The following GRIA3 variants were observed in gnomAD, a reference collection of about 807,000 sequenced individuals.
The protein encoded by GRIA3 is glutamate ionotropic receptor AMPA type subunit 3, also known as glutamate receptor 3.
In GRIA3, 3 loss-of-function variants were observed where a neutral mutation model predicts 63.0. The observed-to-expected ratio is 0.05, with a 90% CI of 0.02 to 0.12. The LOEUF (loss-of-function observed/expected upper bound fraction) is 0.12. Ranked by LOEUF, GRIA3 falls within the 10% of genes least tolerant of loss-of-function variation. The probability of loss-of-function intolerance (pLI) is 1.00; values close to 1 mark genes in which losing one functional copy is unlikely to be tolerated. For missense variants in GRIA3, 347 were observed against 700.9 expected, an observed-to-expected ratio of 0.50 and a Z score of 5.70; for synonymous variants, 274 against 257.9, an observed-to-expected ratio of 1.06 and a Z score of -0.60.
intron 3 of GRIA3, among the ~76,000 whole-genome samples, chrX:123,264,888 C>T (rs368357247): frequency 1.8e-5 from 2 of 111,772 alleles, no homozygotes; most frequent in Non-Finnish European, 3.8e-5. Context: ...TGAAGAAAAG[C>T]ATCATCAACT....
At chrX:123,254,953 A>G (rs1210333965) in intron 3 of GRIA3, among the ~76,000 whole-genome samples, 1 of 111,602 alleles carries the variant, frequency 9.0e-6, no homozygotes, top group African/African-American at 3.3e-5. Flanking sequence ...CGTAACTTAT[A>G]TATTATCAGT....
intron 4 of GRIA3, among the ~76,000 whole-genome samples, chrX:123,353,412 T>C (rs990589368): frequency 8.9e-6 from 1 of 111,991 alleles, no homozygotes; most frequent in African/African-American, 3.2e-5. Context: ...AAATTCCTCA[T>C]CTGTAAAATG....
intron 2 of GRIA3, among the ~76,000 whole-genome samples, chrX:123,207,985 A>G (rs139648906): frequency 0.015 from 1,642 of 112,368 alleles, 44 homozygotes; most frequent in African/African-American, 0.05. Flanking sequence ...ACCAAACACT[A>G]TTGAAGATCA....
chrX:123,403,802 G>T (rs191007803), intron 9 of GRIA3, among the ~76,000 whole-genome samples: 6 of 111,410 alleles, frequency 5.4e-5, no homozygotes, highest in Non-Finnish European at 1.1e-4. Flanking sequence ...GCTTCATCTG[G>T]ACTTGAAACC....
chrX:123,449,879 C>T (rs1239096710), intron 12 of GRIA3, among the ~76,000 whole-genome samples: 1 of 111,580 alleles, frequency 9.0e-6, no homozygotes, highest in Non-Finnish European at 1.9e-5. Context: ...CTCACGTGCC[C>T]CTGACATATC....
At chrX:123,226,632 C>A (rs1454018039) in intron 2 of GRIA3, among the ~76,000 whole-genome samples, 1 of 111,364 alleles carries the variant, frequency 9.0e-6, no homozygotes, top group Admixed American at 9.6e-5. Flanking sequence ...GAGACCAGCA[C>A]TTTTTACTTC....
chrX:123,423,343 T>A (rs769897012), intron 11 of GRIA3, among the ~76,000 whole-genome samples: 2 of 112,090 alleles, frequency 1.8e-5, no homozygotes, highest in East Asian at 5.5e-4. Flanking sequence ...ATAAAAGACA[T>A]GAAGGGTATA....
chrX:123,349,141 CAT>C (rs1179863767), intron 4 of GRIA3, among the ~76,000 whole-genome samples: 2 of 112,121 alleles, frequency 1.8e-5, no homozygotes, highest in Non-Finnish European at 3.8e-5. Flanking sequence ...AAATAATAGT[CAT>C]GTGATATGCA....
chrX:123,196,830 A>T (rs1927588565), intron 2 of GRIA3, among the ~76,000 whole-genome samples: 1 of 112,032 alleles, frequency 8.9e-6, no homozygotes, highest in African/African-American at 3.2e-5. Context: ...TGATTGTTAC[A>T]ATCACTTCTT....
intron 10 of GRIA3, among the ~76,000 whole-genome samples, chrX:123,405,379 A>G (rs1358215829): frequency 8.9e-6 from 1 of 111,744 alleles, no homozygotes; most frequent in Admixed American, 9.5e-5. Context: ...CACCTTAATT[A>G]GGGTTCTTAA....
In GRIA3 at chrX:123,482,730, G is replaced by A. The variant is rs926179208; in HGVS notation, c.2440-69G>A. On this transcript the variant is annotated intron_variant, in intron 14 of 15. Transcript: ENST00000620443. ...CAATTTAGAACTCCCCTGTACTGTT[G>A]TAATATATTATAATGTTCCATTGCC... The A allele has an allele frequency of 6.3e-6, 7 of 1,108,782 alleles. No homozygotes were observed. In the African/African-American group the frequency reaches 9.0e-5, roughly 14 times the overall value. 91.4% of individuals were successfully genotyped at this position (1,108,782 alleles called of 1,213,427 possible).
chrX:123,441,512 T>C (rs2045674017), intron 12 of GRIA3, among the ~76,000 whole-genome samples: 1 of 111,367 alleles, frequency 9.0e-6, no homozygotes, highest in South Asian at 3.8e-4. Flanking sequence ...GAAGGTGAGG[T>C]TCATTAAAAA....
At chrX:123,291,594 T>C (rs1223607992) in intron 3 of GRIA3, among the ~76,000 whole-genome samples, 4 of 111,132 alleles carry the variant, frequency 3.6e-5, no homozygotes, top group African/African-American at 1.3e-4. Context: ...AGAAAAAAAG[T>C]ACAATTTTTA....
rs746043875 is a variant in GRIA3 at position 123,403,595 on chromosome X, T to C, written c.1293+76T>C. The C allele has an allele frequency of 1.3e-4, 84 of 661,851 alleles. No individual in the cohort carries two copies. In the African/African-American group the frequency reaches 1.6e-3, roughly 12 times the overall value. The allele number at this position is 661,851 out of a possible 1,213,427, so 54.5% of individuals were successfully genotyped here. A position where few individuals can be genotyped will look rare whatever the true frequency, so the allele number is the denominator to read the frequency against. On this transcript the variant is annotated intron_variant, in intron 9 of 15. Coordinates refer to ENST00000620443, the MANE Select transcript of GRIA3 (RefSeq NM_007325.5). ...TTTCTGAAAAGTATTTTTCCACCAGTAGAAAAGACCTCAAGTTCAAACAGT... is the reference window on the plus strand; with the variant it reads ...TTTCTGAAAAGTATTTTTCCACCAGCAGAAAAGACCTCAAGTTCAAACAGT...
rs760960374 is a variant in GRIA3, at chrX:123,255,305, G to A, written c.508+1763G>A. Among the ~76,000 whole-genome samples, 157 of 111,658 alleles carry A rather than the reference G, an allele frequency of 1.4e-3. 2 individuals are homozygous for A. Among genetic ancestry groups the A allele is most frequent in the South Asian group, 1.5e-3 (4 of 2,603 alleles). ...GAGAACAAACAAACAGCAGGGCCAG[G>A]AAGGAACACTGTGTGTTCAGGTAGA... On this transcript the variant is annotated intron_variant, in intron 3 of 15. Coordinates refer to ENST00000620443, the MANE Select transcript of GRIA3 (RefSeq NM_007325.5).
At chrX:123,382,476 T>C (rs2045330476) in intron 5 of GRIA3, among the ~76,000 whole-genome samples, 1 of 112,154 alleles carries the variant, frequency 8.9e-6, no homozygotes. Context: ...AGACTTCTAG[T>C]TCCTCAGTGA....
At chrX:123,312,002 T>C (rs1268191304) in intron 3 of GRIA3, among the ~76,000 whole-genome samples, 1 of 112,027 alleles carries the variant, frequency 8.9e-6, no homozygotes, top group Non-Finnish European at 1.9e-5. Flanking sequence ...CCTCACCTGG[T>C]TATTTGGGAT....
intron 3 of GRIA3, among the ~76,000 whole-genome samples, chrX:123,319,834 G>C (rs993291304): frequency 2.1e-5 from 2 of 97,106 alleles, no homozygotes; most frequent in Non-Finnish European, 4.3e-5. Context: ...AAAAAAAAAA[G>C]GCCTGCTTTA....
At chrX:123,263,423 A>T (rs1010375562) in intron 3 of GRIA3, among the ~76,000 whole-genome samples, 1 of 112,330 alleles carries the variant, frequency 8.9e-6, no homozygotes, top group Non-Finnish European at 1.9e-5. Context: ...TCCACAAACG[A>T]TCTGATTAAT....
Sources: allele counts gnomAD v4.1 joint callset (sites outside exome capture counted in the v4.1 genomes callset), GRCh38; gene constraint gnomAD v4.1.1; transcripts MANE v1.5; gene names NCBI Gene and HGNC (gene_info 2026-07-23, HGNC 2026-07-21).